Variants in RIN3 observed in about 807,000 individuals in gnomAD.
RIN3 encodes Ras and Rab interactor 3.
A neutral mutation model predicts 76.3 loss-of-function variants in RIN3; 54 were observed. The observed-to-expected ratio is 0.71, with a 90% CI of 0.57 to 0.89. The LOEUF (loss-of-function observed/expected upper bound fraction) is 0.89. Among genes scored for constraint, RIN3 ranks in the 40% least tolerant of loss-of-function variants. RIN3 has a pLI of 0.00. For missense variants in RIN3, 1,256 were observed against 1,322.1 expected, an observed-to-expected ratio of 0.95 and a Z score of 0.78; for synonymous variants, 576 against 564.0, an observed-to-expected ratio of 1.02 and a Z score of -0.30.
chr14:92,612,996 C>T (rs1230434755), intron 3 of RIN3, among the ~76,000 whole-genome samples: 1 of 152,220 alleles, frequency 6.6e-6, no homozygotes, highest in Non-Finnish European at 1.5e-5. Context: ...GTGTGACTGA[C>T]TTCGTCTTCA....
intron 4 of RIN3, among the ~76,000 whole-genome samples, chr14:92,620,748 A>T (rs750325524): frequency 6.6e-6 from 1 of 152,176 alleles, no homozygotes; most frequent in Non-Finnish European, 1.5e-5. Context: ...TGGAGGCTAC[A>T]GTGTTACCTA....
chr14:92,539,049 C>T (rs1399771341), intron 1 of RIN3, among the ~76,000 whole-genome samples: 1 of 152,072 alleles, frequency 6.6e-6, no homozygotes, highest in Non-Finnish European at 1.5e-5. Flanking sequence ...GTGCTCAGGG[C>T]CTGCCCGTTG....
intron 8 of RIN3, among the ~76,000 whole-genome samples, chr14:92,684,649 C>T (rs539362227): frequency 4.0e-4 from 61 of 152,022 alleles, no homozygotes; most frequent in Non-Finnish European, 7.4e-4. Context: ...CCTGGCCACC[C>T]CTTTCCCCAC....
intron 7 of RIN3, among the ~76,000 whole-genome samples, chr14:92,674,915 A>C (rs553991659): frequency 6.6e-6 from 1 of 151,838 alleles, no homozygotes; most frequent in South Asian, 2.1e-4. Context: ...AGGGAAAAGA[A>C]AGTTGCCTCC....
intron 4 of RIN3, among the ~76,000 whole-genome samples, chr14:92,624,626 A>T (rs1886288306): frequency 6.6e-6 from 1 of 152,182 alleles, no homozygotes; most frequent in Non-Finnish European, 1.5e-5. Context: ...TGCTGCTGCA[A>T]GCTGTCTCTG....
Position 92,659,366 on chromosome 14 carries a change from G to A in RIN3, c.2232G>A (p.Gln744=). Residue 744 remains glutamine, a synonymous_variant, in exon 7 of 10, where the codon CAG becomes CAA. Transcript: ENST00000216487. The stretch of plus-strand genomic sequence containing the variant: ...TGCCCATGATGGAGAAGATCCTGCA[G>A]AAGTTCACCAGCATGCACAAGGCCT... ...PEVPMMEKIL[Q]KFTSMHKAYS... 2.5e-6 allele frequency: 4 copies of A among 1,613,092 alleles called. No individual in the cohort carries two copies. In the South Asian group the frequency reaches 3.3e-5, roughly 13 times the overall value.
chr14:92,524,853 T>C (rs1055714422), intron 1 of RIN3, among the ~76,000 whole-genome samples: 2 of 152,214 alleles, frequency 1.3e-5, no homozygotes, highest in African/African-American at 4.8e-5. Flanking sequence ...GGCCGCTCCA[T>C]GGCACGAGGC....
intron 3 of RIN3, among the ~76,000 whole-genome samples, chr14:92,593,866 G>A (rs1252019813): frequency 6.6e-6 from 1 of 152,136 alleles, no homozygotes. Flanking sequence ...TAAGGCAAAA[G>A]CTGATGGAAC....
intron 4 of RIN3, among the ~76,000 whole-genome samples, chr14:92,617,640 A>G (rs2140105875): frequency 6.6e-6 from 1 of 152,340 alleles, no homozygotes; most frequent in South Asian, 2.1e-4. Flanking sequence ...AAATTGGAGT[A>G]TGCTCCTTAC....
intron 7 of RIN3, among the ~76,000 whole-genome samples, chr14:92,669,248 A>G (rs981186092): frequency 6.6e-6 from 1 of 152,238 alleles, no homozygotes; most frequent in African/African-American, 2.4e-5. Context: ...GAGATAGGCA[A>G]TAACAAGTAA....
chr14:92,577,443 G>A lies in RIN3; in HGVS notation c.333G>A (p.Glu111=). The A allele has an allele frequency of 6.2e-7, 1 of 1,613,594 alleles. No individual in the cohort carries two copies. The highest frequency in any genetic ancestry group is 2.2e-5 in the East Asian group (1 of 44,856). ...HFPSLNESSA[E]VLEYTIKEEK... ...CTTCTCTGAACGAAAGCTCGGCCGA[G>A]GTGCTCGAATACACCATTAAGGAAG... The change falls in exon 3 of 10, where the codon GAG becomes GAA. Residue 111 remains glutamate (E), a synonymous_variant. Transcript: ENST00000216487.
intron 7 of RIN3, among the ~76,000 whole-genome samples, chr14:92,665,806 T>C (rs1209882037): frequency 1.3e-5 from 2 of 151,896 alleles, no homozygotes; most frequent in Non-Finnish European, 2.9e-5. Context: ...AGATTGAGGT[T>C]ATGCAGTCTT....
intron 9 of RIN3, chr14:92,687,588 A>C: frequency 5.9e-6 from 2 of 341,876 alleles, no homozygotes; most frequent in Non-Finnish European, 5.4e-6. Flanking sequence ...GGTGCAGGGA[A>C]CTCACCTGGA....
At position 92,515,499 on chromosome 14, in the gene RIN3, T is replaced by C. The variant is rs191811329; in HGVS notation, c.44+1523T>C. On this transcript the variant is annotated intron_variant, in intron 1 of 9. Coordinates refer to ENST00000216487, the MANE Select transcript of RIN3 (RefSeq NM_024832.5). Reference sequence around the variant, plus strand: ...CTCAGTTCACTTATCAATAAAATGATAAATAATAGTAACTACCCCTTAGAG... The same window carrying C: ...CTCAGTTCACTTATCAATAAAATGACAAATAATAGTAACTACCCCTTAGAG... 762 of 483,330 alleles carry C rather than the reference T, an allele frequency of 1.6e-3. 4 individuals are homozygous for C. Among genetic ancestry groups the C allele is most frequent in the Non-Finnish European group, 2.2e-3 (614 of 274,202 alleles). The allele number at this position is 483,330 out of a possible 1,614,324, so 29.9% of individuals were successfully genotyped here.
In RIN3 at chr14:92,659,179, C is replaced by T. The variant is rs1887783634; in HGVS notation, c.2045C>T (p.Ala682Val). The change falls in exon 7 of 10, where the codon GCC (alanine) becomes GTC (valine). Residue 682 changes from alanine (A) to valine (V), a missense_variant. Transcript: ENST00000216487. ...EEELEAIVES[A>V]LYKCVLKPLK... The stretch of plus-strand genomic sequence containing the variant: ...CCTGCAGAAGCAATTGTAGAGTCTG[C>T]CTTGTACAAATGTGTCCTGAAGCCC... The T allele has an allele frequency of 1.9e-6, 3 of 1,614,148 alleles. No individual in the cohort carries two copies. The East Asian group carries it at 6.7e-5, about 36-fold the overall frequency.
chr14:92,555,953 G>C lies in RIN3; in HGVS notation c.247G>C (p.Gly83Arg), dbSNP rs149375883. Residue 83 changes from glycine (G) to arginine (R), a missense_variant and splice_region_variant, in exon 2 of 10, where the codon GGG becomes CGG. By Grantham distance (125) the Gly-to-Arg change is moderately radical. Transcript: ENST00000216487. Reference protein sequence around the residue: ...VARILHRVVAGMFLVRRDSSS... With the variant: ...VARILHRVVARMFLVRRDSSS... Reference sequence around the variant, plus strand: ...CAGGATCCTGCACCGGGTGGTGGCTGGGGTGAGTGGGGGCGTCTCCCACTT... The same window carrying C: ...CAGGATCCTGCACCGGGTGGTGGCTCGGGTGAGTGGGGGCGTCTCCCACTT... 4 of 1,610,644 alleles carry C rather than the reference G, an allele frequency of 2.5e-6. No homozygotes were observed. The highest frequency in any genetic ancestry group is 3.4e-6 in the Non-Finnish European group (4 of 1,179,778).
chr14:92,672,891 C>T (rs1888335128), intron 7 of RIN3, among the ~76,000 whole-genome samples: 6 of 152,208 alleles, frequency 3.9e-5, no homozygotes, highest in South Asian at 2.1e-4. Flanking sequence ...TTATTCTGGA[C>T]GTTGCATATA....
chr14:92,650,648 T>C (rs1887381286), intron 5 of RIN3, among the ~76,000 whole-genome samples: 2 of 152,180 alleles, frequency 1.3e-5, no homozygotes, highest in South Asian at 2.1e-4. Context: ...AGGAGGAAGC[T>C]TGAGTGAACG....
At chr14:92,653,718 G>A (rs576504212) in intron 6 of RIN3, among the ~76,000 whole-genome samples, 3 of 152,216 alleles carry the variant, frequency 2.0e-5, no homozygotes, top group South Asian at 2.1e-4. Context: ...ACACGCCTAC[G>A]TATATTAAAA....
Sources: gnomAD v4.1 joint callset for allele counts (sites outside exome capture counted in the v4.1 genomes callset) on GRCh38, gnomAD v4.1.1 for gene constraint, MANE v1.5 for transcripts, NCBI Gene and HGNC (gene_info 2026-07-23, HGNC 2026-07-21) for gene names.